ITPR3: variants seen among roughly 807,000 people sequenced by gnomAD.
ITPR3 encodes the protein inositol 1,4,5-trisphosphate-gated calcium channel ITPR3.
Under a neutral mutation model 293.2 loss-of-function variants are expected in ITPR3, and 173 were observed. That is an observed-to-expected ratio of 0.59 (90% CI 0.52 to 0.67). ITPR3 has a LOEUF of 0.67. Among genes scored for constraint, ITPR3 ranks in the 30% least tolerant of loss-of-function variants. The pLI is 0.00. For missense variants in ITPR3, 2,796 were observed against 3,592.1 expected (o/e 0.78, Z 5.66); for synonymous variants, 1,295 against 1,444.4 (o/e 0.90, Z 2.35).
At chr6:33,637,632 C>T (rs181259624) in intron 1 of ITPR3, among the ~76,000 whole-genome samples, 2 of 150,434 alleles carry the variant, frequency 1.3e-5, no homozygotes, top group East Asian at 2.0e-4. Context: ...CTACACCCAG[C>T]GATTTTTTTT....
In ITPR3 at chr6:33,632,554, C is replaced by T. The variant is rs1387975356; in HGVS notation, c.90-7930C>T. On this transcript the variant is annotated intron_variant, in intron 1 of 57. Coordinates refer to ENST00000605930, the MANE Select transcript of ITPR3 (RefSeq NM_002224.4). This position sits in a 1 kb window ranked among gnomAD's most constrained non-coding sequence, Gnocchi z 4.1. The stretch of plus-strand genomic sequence containing the variant: ...TCAGATCAAGGTCTTGGGGTGTAGA[C>T]CCCGTGGGCATTTCAGGGACTGTGC... 1.3e-5 allele frequency among the ~76,000 whole-genome samples: 2 copies of T among 152,046 alleles called. No individual in the cohort carries two copies. The highest frequency in any genetic ancestry group is 2.9e-5 in the Non-Finnish European group (2 of 67,980).
At chr6:33,629,154 A>ATTGTT in intron 1 of ITPR3, among the ~76,000 whole-genome samples, 1 of 152,338 alleles carries the variant, frequency 6.6e-6, no homozygotes, top group Non-Finnish European at 1.5e-5. Context: ...AGACTTAATC[A>ATTGTT]TTGTTTACAG....
intron 2 of ITPR3, among the ~76,000 whole-genome samples, chr6:33,641,467 C>T (rs62407633): frequency 0.17 from 26,553 of 152,100 alleles, 2,990 homozygotes; most frequent in South Asian, 0.24. Flanking sequence ...GGCTGGCGGC[C>T]GGGGTCCTTG....
intron 7 of ITPR3, among the ~76,000 whole-genome samples, chr6:33,661,047 C>T (rs555212019): frequency 6.6e-6 from 1 of 152,194 alleles, no homozygotes; most frequent in Non-Finnish European, 1.5e-5. Flanking sequence ...TCCGTGGTTC[C>T]AAGGCAGCTC....
chr6:33,635,200 C>T (rs1438790164), intron 1 of ITPR3, among the ~76,000 whole-genome samples: 4 of 152,210 alleles, frequency 2.6e-5, no homozygotes, highest in African/African-American at 7.2e-5. Flanking sequence ...TCTCCCACAC[C>T]TTCTCTGATT....
intron 1 of ITPR3, among the ~76,000 whole-genome samples, chr6:33,639,732 G>A (rs950052636): frequency 1.3e-5 from 2 of 152,056 alleles, no homozygotes; most frequent in Non-Finnish European, 2.9e-5. Context: ...ATGGGTGGGT[G>A]GATGAATAGA....
At chr6:33,650,485 T>A (rs1764161379) in intron 2 of ITPR3, among the ~76,000 whole-genome samples, 1 of 152,180 alleles carries the variant, frequency 6.6e-6, no homozygotes, top group South Asian at 2.1e-4. Flanking sequence ...CCGGGGATGC[T>A]TCAGGGCAGT....
Position 33,672,855 on chromosome 6 carries a change from C to G in ITPR3, c.2928+627C>G, listed in dbSNP as rs1352806446. On this transcript the variant is annotated intron_variant, in intron 22 of 57. Coordinates refer to ENST00000605930, the MANE Select transcript of ITPR3 (RefSeq NM_002224.4). The surrounding 1 kb of genome is among the most constrained non-coding windows in gnomAD (Gnocchi z 5.0). Reference sequence around the variant, plus strand: ...CTTGGCAAGGTGGATGCAGTCATCCCTGTTGTGGTCTCATCTGAGACTCCC... The same window carrying G: ...CTTGGCAAGGTGGATGCAGTCATCCGTGTTGTGGTCTCATCTGAGACTCCC... 6.6e-6 allele frequency among the ~76,000 whole-genome samples: 1 copy of G among 152,156 alleles called. No homozygotes were observed. The highest frequency in any genetic ancestry group is 1.5e-5 in the Non-Finnish European group (1 of 68,020).
In ITPR3 at chr6:33,655,712, G is replaced by A. The variant is rs1400878580; in HGVS notation, c.161-54G>A. The A allele has an allele frequency of 1.9e-6, 3 of 1,609,432 alleles. No homozygotes were observed. Among genetic ancestry groups the A allele is most frequent in the Middle Eastern group, 1.7e-4 (1 of 5,970 alleles). On this transcript the variant is annotated intron_variant, in intron 2 of 57. Coordinates refer to ENST00000605930, the MANE Select transcript of ITPR3 (RefSeq NM_002224.4). The surrounding 1 kb of genome is among the most constrained non-coding windows in gnomAD (Gnocchi z 4.9). ...GCAGGCTGGGGTTTTCTCCAGGGAGGGCCCTGAGCCCCAGATGAATCATTC... is the reference window on the plus strand; with the variant it reads ...GCAGGCTGGGGTTTTCTCCAGGGAGAGCCCTGAGCCCCAGATGAATCATTC...
intron 28 of ITPR3, 90 bp downstream of exon 28, chr6:33,677,719 C>G: frequency 6.7e-7 from 1 of 1,482,282 alleles, no homozygotes; most frequent in Non-Finnish European, 9.1e-7. Context: ...TGCAGGCAAC[C>G]TCTCCCAGCC....
Position 33,672,271 on chromosome 6 carries a change from G to A in ITPR3, c.2928+43G>A, listed in dbSNP as rs764303313. 2.9e-5 allele frequency: 43 copies of A among 1,478,938 alleles called. 1 individual carries two copies. Among genetic ancestry groups the A allele is most frequent in the Non-Finnish European group, 3.9e-5 (41 of 1,064,790 alleles). The allele number at this position is 1,478,938 out of a possible 1,614,324, so 91.6% of individuals were successfully genotyped here. A position where few individuals can be genotyped will look rare whatever the true frequency, so the allele number is the denominator to read the frequency against. On this transcript the variant is annotated intron_variant, in intron 22 of 57. Transcript: ENST00000605930. This position sits in a 1 kb window ranked among gnomAD's most constrained non-coding sequence, Gnocchi z 5.0. ...GTGTGGGAGGTGTTGGGTATAGGGG[G>A]AGGGTAATGGGGCGGGTACAGGGAG...
In ITPR3 at chr6:33,684,586, A is replaced by G. The variant is rs778195285; in HGVS notation, c.5047-12A>G. ...GTACCCACAATGGGGCCTCACTCCC[A>G]TCCTCCCCCAGGGCAACCAGCTGCG... On this transcript the variant is annotated splice_polypyrimidine_tract_variant and intron_variant, in intron 37 of 57. Coordinates refer to ENST00000605930, the MANE Select transcript of ITPR3 (RefSeq NM_002224.4). The surrounding 1 kb of genome is among the most constrained non-coding windows in gnomAD (Gnocchi z 4.2). 6.2e-7 allele frequency: 1 copy of G among 1,613,734 alleles called. No individual in the cohort carries two copies. The highest frequency in any genetic ancestry group is 1.1e-5 in the South Asian group (1 of 91,066).
intron 1 of ITPR3, among the ~76,000 whole-genome samples, chr6:33,625,543 G>A (rs942092029): frequency 1.3e-5 from 2 of 152,162 alleles, no homozygotes; most frequent in African/African-American, 4.8e-5. Flanking sequence ...TCTCTTATGA[G>A]TACCCAGAGA....
Position 33,667,096 on chromosome 6 carries a change from G to A in ITPR3, c.1552-33G>A. 1.2e-6 allele frequency: 2 copies of A among 1,606,690 alleles called. No individual in the cohort carries two copies. Among genetic ancestry groups the A allele is most frequent in the Non-Finnish European group, 1.7e-6 (2 of 1,175,390 alleles). On this transcript the variant is annotated intron_variant, in intron 14 of 57. Transcript: ENST00000605930. This position sits in a 1 kb window ranked among gnomAD's most constrained non-coding sequence, Gnocchi z 4.4. Reference sequence around the variant, plus strand: ...GACTTAGGGGTACAGACAGGTGTTGGGGAATCAGTCCTCACCCTCTGTATT... The same window carrying A: ...GACTTAGGGGTACAGACAGGTGTTGAGGAATCAGTCCTCACCCTCTGTATT...
intron 55 of ITPR3, 112 bp downstream of exon 55, chr6:33,693,005 T>A: frequency 2.1e-6 from 2 of 969,892 alleles, no homozygotes; most frequent in Non-Finnish European, 3.1e-6. Context: ...GGCCCGGAGC[T>A]GATGACTTGA....
intron 2 of ITPR3, among the ~76,000 whole-genome samples, chr6:33,650,077 A>G (rs1764152535): frequency 6.6e-6 from 1 of 152,032 alleles, no homozygotes. Context: ...ACCTCCCTGG[A>G]CCCTCCACCT....
chr6:33,692,414 A>G lies in ITPR3; in HGVS notation c.7459-314A>G, dbSNP rs920774803. 1.3e-5 allele frequency among the ~76,000 whole-genome samples: 2 copies of G among 151,314 alleles called. No individual in the cohort carries two copies. Among genetic ancestry groups the G allele is most frequent in the African/African-American group, 2.4e-5 (1 of 41,162 alleles). ...TCAGAGCTGCCTCTTTCCCTCATCA[A>G]TGTTAGGGGCAGAGACACACCGAGA... On this transcript the variant is annotated intron_variant, in intron 54 of 57. Transcript: ENST00000605930. This position sits in a 1 kb window ranked among gnomAD's most constrained non-coding sequence, Gnocchi z 4.2.
chr6:33,625,233 C>CTT (rs1022926655), intron 1 of ITPR3, among the ~76,000 whole-genome samples: 2 of 145,792 alleles, frequency 1.4e-5, no homozygotes, highest in African/African-American at 2.5e-5. Context: ...TTGAAGATCT[C>CTT]TTTTTTTTTT....
At chr6:33,695,181 G>A in intron 57 of ITPR3, 96 bp downstream of exon 57, 1 of 1,366,468 alleles carries the variant, frequency 7.3e-7, no homozygotes, top group African/African-American at 1.5e-5. Context: ...CTTCCCCACT[G>A]GCCTCTGGCC....
Sources: gnomAD v4.1 joint callset for allele counts (sites outside exome capture counted in the v4.1 genomes callset) on GRCh38, gnomAD v4.1.1 for gene constraint, Gnocchi (gnomAD v3.1) non-coding constraint, MANE v1.5 for transcripts, NCBI Gene and HGNC (gene_info 2026-07-23, HGNC 2026-07-21) for gene names.